Variants in CAMK1D observed in about 807,000 individuals in gnomAD.
The protein encoded by CAMK1D is calcium/calmodulin dependent protein kinase ID.
CAMK1D carries 9 observed loss-of-function variants against 47.7 expected under a neutral mutation model. The ratio of observed to expected loss-of-function variants is 0.19; its 90% confidence interval spans 0.11 to 0.33. The LOEUF (loss-of-function observed/expected upper bound fraction) is 0.33. CAMK1D is among the 10% of genes least tolerant of loss of function. The pLI is 1.00. For synonymous variants in CAMK1D, 184 were observed against 184.9 expected (o/e 0.99, Z 0.04); for missense variants, 291 against 488.7 (o/e 0.60, Z 3.81).
At chr10:12,539,856 C>G (rs1340737908) in intron 1 of CAMK1D, among the ~76,000 whole-genome samples, 1 of 152,134 alleles carries the variant, frequency 6.6e-6, no homozygotes, top group South Asian at 2.1e-4. Flanking sequence ...TTTATTTGCC[C>G]TGGAGTGTTG....
At chr10:12,438,591 GT>G (rs1832698391) in intron 1 of CAMK1D, among the ~76,000 whole-genome samples, 1 of 152,120 alleles carries the variant, frequency 6.6e-6, no homozygotes, top group Non-Finnish European at 1.5e-5. Flanking sequence ...TTTACATGTT[GT>G]TTCACTGGTT....
chr10:12,654,332 C>A (rs771821191), intron 2 of CAMK1D, among the ~76,000 whole-genome samples: 1 of 152,216 alleles, frequency 6.6e-6, no homozygotes, highest in African/African-American at 2.4e-5. Context: ...TGTGGGTTCT[C>A]ACATCAGTGA....
intron 2 of CAMK1D, among the ~76,000 whole-genome samples, chr10:12,630,386 T>A (rs1839344384): frequency 1.5e-5 from 2 of 135,446 alleles, no homozygotes; most frequent in African/African-American, 5.3e-5. Flanking sequence ...TTTTTTTTTT[T>A]TTAAAAAAAA....
At chr10:12,360,425 G>C (rs1469796358) in intron 1 of CAMK1D, among the ~76,000 whole-genome samples, 1 of 152,136 alleles carries the variant, frequency 6.6e-6, no homozygotes, top group African/African-American at 2.4e-5. Context: ...ACCAAGCCAG[G>C]AGGTATCGGA....
chr10:12,407,847 C>T (rs1453698881), intron 1 of CAMK1D, among the ~76,000 whole-genome samples: 1 of 142,792 alleles, frequency 7.0e-6, no homozygotes, highest in Non-Finnish European at 1.5e-5. Flanking sequence ...GATTGGCTGA[C>T]TCTTTTTTTT....
intron 2 of CAMK1D, among the ~76,000 whole-genome samples, chr10:12,613,327 T>C (rs1322902578): frequency 2.6e-5 from 4 of 152,180 alleles, no homozygotes; most frequent in Non-Finnish European, 2.9e-5. Context: ...CTAGTGGTAA[T>C]ATCACAGCCT....
At chr10:12,481,446 T>A (rs1201116229) in intron 1 of CAMK1D, among the ~76,000 whole-genome samples, 1 of 152,170 alleles carries the variant, frequency 6.6e-6, no homozygotes, top group East Asian at 1.9e-4. Context: ...AACCGTAGCC[T>A]CTGAGGTTGA....
At chr10:12,486,742 C>T (rs1164902365) in intron 1 of CAMK1D, among the ~76,000 whole-genome samples, 1 of 152,200 alleles carries the variant, frequency 6.6e-6, no homozygotes, top group Non-Finnish European at 1.5e-5. Context: ...AGGCAGTGAG[C>T]CAGAGGCTTA....
chr10:12,707,257 CTAAT>C (rs1410734812), intron 3 of CAMK1D, among the ~76,000 whole-genome samples: 6 of 152,136 alleles, frequency 3.9e-5, no homozygotes, highest in Non-Finnish European at 2.9e-5. Context: ...GGAGGCCTGA[CTAAT>C]TAAGGTTTCA....
At chr10:12,434,638 G>A (rs930578155) in intron 1 of CAMK1D, among the ~76,000 whole-genome samples, 5 of 152,188 alleles carry the variant, frequency 3.3e-5, no homozygotes, top group Non-Finnish European at 5.9e-5. Context: ...ACCTAAATTA[G>A]CAAATCTCTT....
intron 2 of CAMK1D, among the ~76,000 whole-genome samples, chr10:12,624,081 A>G (rs2132448670): frequency 6.6e-6 from 1 of 152,318 alleles, no homozygotes; most frequent in South Asian, 2.1e-4. Context: ...TCTGTCTCAA[A>G]AAGCAAAACA....
chr10:12,651,139 CCT>C (rs1839951325), intron 2 of CAMK1D, among the ~76,000 whole-genome samples: 1 of 152,188 alleles, frequency 6.6e-6, no homozygotes, highest in Admixed American at 6.5e-5. Flanking sequence ...GCGTCCTCCC[CCT>C]GAGACAAATC....
chr10:12,362,790 G>GTGAACCACCGCAC (rs1837713751), intron 1 of CAMK1D, among the ~76,000 whole-genome samples: 1 of 152,000 alleles, frequency 6.6e-6, no homozygotes, highest in African/African-American at 2.4e-5. Context: ...GATTACAGGC[G>GTGAACCACCGCAC]CCTGCCACCA....
chr10:12,627,183 A>G (rs1588706635), intron 2 of CAMK1D, among the ~76,000 whole-genome samples: 1 of 147,990 alleles, frequency 6.8e-6, no homozygotes, highest in Non-Finnish European at 1.5e-5. Flanking sequence ...CCGGGTTCAC[A>G]CCATTCTCCT....
At chr10:12,431,037 A>G (rs1052672721) in intron 1 of CAMK1D, among the ~76,000 whole-genome samples, 4 of 152,218 alleles carry the variant, frequency 2.6e-5, no homozygotes, top group Admixed American at 6.5e-5. Context: ...GGCGTGAACC[A>G]TATGCCCAGC....
intron 2 of CAMK1D, among the ~76,000 whole-genome samples, chr10:12,635,281 C>T (rs868287605): frequency 6.6e-6 from 1 of 152,166 alleles, no homozygotes; most frequent in Admixed American, 6.5e-5. Context: ...CACTGAGAAT[C>T]GTCATTTCCT....
At position 12,538,602 on chromosome 10, in the gene CAMK1D, C is replaced by T. The variant is rs1372081658; in HGVS notation, c.93-14623C>T. ...TATTGCTGACATACGCATTGTCTTG[C>T]GATGATGAGGATGGAGTGCCAGTTC... On this transcript the variant is annotated intron_variant, in intron 1 of 10. Transcript: ENST00000619168. Among the ~76,000 whole-genome samples the T allele has an allele frequency of 5.3e-5, 8 of 152,018 alleles. No individual in the cohort carries two copies. In the East Asian group the frequency reaches 7.7e-4, roughly 15 times the overall value.
chr10:12,724,776 G>A (rs1834540407), intron 3 of CAMK1D, among the ~76,000 whole-genome samples: 1 of 152,056 alleles, frequency 6.6e-6, no homozygotes, highest in Admixed American at 6.5e-5. Flanking sequence ...CTTCACTTGG[G>A]TCTAGCCAGG....
At chr10:12,458,560 G>T (rs544828587) in intron 1 of CAMK1D, among the ~76,000 whole-genome samples, 4 of 152,194 alleles carry the variant, frequency 2.6e-5, no homozygotes, top group Non-Finnish European at 5.9e-5. Flanking sequence ...GGAACTAAAG[G>T]TGTGTGCTGT....
Sources: allele counts gnomAD v4.1 joint callset (sites outside exome capture counted in the v4.1 genomes callset), GRCh38; gene constraint gnomAD v4.1.1; transcripts MANE v1.5; gene names NCBI Gene and HGNC (gene_info 2026-07-23, HGNC 2026-07-21).